PTPRG: variants seen among roughly 807,000 people sequenced by gnomAD.
The protein encoded by PTPRG is protein tyrosine phosphatase receptor type G.
PTPRG carries 102 observed loss-of-function variants against 165.3 expected under a neutral mutation model. The observed-to-expected ratio is 0.62, with a 90% confidence interval of 0.53 to 0.73. The LOEUF is 0.73. Ranked by LOEUF, PTPRG falls within the 30% of genes least tolerant of loss-of-function variation. The pLI is 0.00. For missense variants in PTPRG, 1,866 were observed against 1,861.4 expected (o/e 1.00, Z -0.05); for synonymous variants, 675 against 669.5 (o/e 1.01, Z -0.13).
At chr3:61,738,033 C>G (rs1297752367) in intron 1 of PTPRG, among the ~76,000 whole-genome samples, 2 of 150,104 alleles carry the variant, frequency 1.3e-5, no homozygotes, top group Admixed American at 6.6e-5. Flanking sequence ...CTCAGCCTCC[C>G]GAGTAGTTGG....
chr3:61,737,371 G>C (rs2032758629), intron 1 of PTPRG, among the ~76,000 whole-genome samples: 1 of 152,102 alleles, frequency 6.6e-6, no homozygotes, highest in Non-Finnish European at 1.5e-5. Flanking sequence ...ATATACTGTT[G>C]AATGCCATGG....
chr3:62,246,967 G>T (rs1244644562), intron 15 of PTPRG, among the ~76,000 whole-genome samples: 1 of 152,060 alleles, frequency 6.6e-6, no homozygotes, highest in Admixed American at 6.6e-5. Flanking sequence ...GTGCAGCAGG[G>T]TGAAGTTGAA....
rs985787394 is a variant in PTPRG at position 62,294,781 on chromosome 3, G to C, written c.*1474G>C. ...TGAAATCATCACCAGAACTGGGCCT[G>C]TTAGGAAGAATAGGGTTTTATTTAC... On this transcript the variant is annotated 3_prime_UTR_variant, in exon 30 of 30. Coordinates refer to ENST00000474889, the MANE Select transcript of PTPRG (RefSeq NM_002841.4). 5.3e-5 allele frequency: 8 copies of C among 152,108 alleles called. No individual in the cohort carries two copies. Among genetic ancestry groups the C allele is most frequent in the Middle Eastern group, 3.2e-3 (1 of 316 alleles). The allele number at this position is 152,108 out of a possible 1,614,324, so 9.4% of individuals were successfully genotyped here. A position where few individuals can be genotyped will look rare whatever the true frequency, so the allele number is the denominator to read the frequency against.
chr3:62,152,207 T>G (rs1378792693), intron 6 of PTPRG, among the ~76,000 whole-genome samples: 1 of 145,300 alleles, frequency 6.9e-6, no homozygotes, highest in Non-Finnish European at 1.5e-5. Flanking sequence ...GTCTACTAAT[T>G]TTTTTTTTTT....
chr3:62,197,573 T>C (rs1197312667), intron 10 of PTPRG, among the ~76,000 whole-genome samples: 1 of 152,122 alleles, frequency 6.6e-6, no homozygotes, highest in Non-Finnish European at 1.5e-5. Flanking sequence ...AGGCCAGGTC[T>C]GTGCTGGCCT....
intron 2 of PTPRG, among the ~76,000 whole-genome samples, chr3:61,986,475 T>C (rs771643284): frequency 1.3e-5 from 2 of 152,226 alleles, no homozygotes; most frequent in Admixed American, 6.5e-5. Context: ...GATGTGTTTA[T>C]TGAATTCATT....
chr3:62,076,077 A>G (rs925411861), intron 4 of PTPRG, among the ~76,000 whole-genome samples: 13 of 152,082 alleles, frequency 8.5e-5, no homozygotes, highest in African/African-American at 3.1e-4. Context: ...GTTACTCTAA[A>G]CCAGCCTGGG....
At position 62,190,973 on chromosome 3, in the gene PTPRG, C is replaced by A. The variant is rs989983364; in HGVS notation, c.1034-496C>A. 6.6e-6 allele frequency among the ~76,000 whole-genome samples: 1 copy of A among 152,202 alleles called. No homozygotes were observed. The highest frequency in any genetic ancestry group is 2.4e-5 in the African/African-American group (1 of 41,454). ...GGTTACATAGGAGAGTGTCCTCAAT[C>A]TTGGGAGATGCAGGACAGAGTATCT... On this transcript the variant is annotated intron_variant, in intron 8 of 29. Transcript: ENST00000474889. This position sits in a 1 kb window ranked among gnomAD's most constrained non-coding sequence, Gnocchi z 5.2.
chr3:61,734,241 G>C (rs1284516370), intron 1 of PTPRG, among the ~76,000 whole-genome samples: 1 of 152,128 alleles, frequency 6.6e-6, no homozygotes, highest in Non-Finnish European at 1.5e-5. Flanking sequence ...TATCATGTAT[G>C]ATTTCTGAAA....
chr3:61,731,375 A>T (rs1575616073), intron 1 of PTPRG, among the ~76,000 whole-genome samples: 1 of 132,192 alleles, frequency 7.6e-6, no homozygotes, highest in Non-Finnish European at 1.6e-5. Context: ...TTTGAGACGG[A>T]GTCTTGCTGT....
intron 2 of PTPRG, among the ~76,000 whole-genome samples, chr3:61,820,952 C>T (rs373649949): frequency 3.3e-5 from 5 of 151,778 alleles, no homozygotes; most frequent in Non-Finnish European, 2.9e-5. Context: ...TTTTTCATTA[C>T]GCCAAGCATT....
intron 2 of PTPRG, among the ~76,000 whole-genome samples, chr3:61,893,684 G>T (rs934538203): frequency 5.9e-5 from 9 of 152,154 alleles, no homozygotes; most frequent in Non-Finnish European, 1.2e-4. Flanking sequence ...GATTATTAAG[G>T]GCAGGAGCTA....
At chr3:61,645,613 G>A (rs1366299970) in intron 1 of PTPRG, among the ~76,000 whole-genome samples, 2 of 152,200 alleles carry the variant, frequency 1.3e-5, no homozygotes, top group South Asian at 2.1e-4. Flanking sequence ...TAGTTCCTGA[G>A]CTCCATTATC....
At chr3:61,702,910 C>T (rs1030546900) in intron 1 of PTPRG, among the ~76,000 whole-genome samples, 1 of 152,228 alleles carries the variant, frequency 6.6e-6, no homozygotes, top group Non-Finnish European at 1.5e-5. Context: ...TAGTTTTAGG[C>T]TTTCATGAGT....
At chr3:61,841,047 G>T (rs1026844335) in intron 2 of PTPRG, among the ~76,000 whole-genome samples, 2 of 152,076 alleles carry the variant, frequency 1.3e-5, no homozygotes, top group Non-Finnish European at 2.9e-5. Context: ...CTCCCAAAGT[G>T]CTGGGATTAC....
In PTPRG at chr3:61,794,781, C is replaced by T. The variant is rs540133262; in HGVS notation, c.190+45799C>T. On this transcript the variant is annotated intron_variant, in intron 2 of 29. Coordinates refer to ENST00000474889, the MANE Select transcript of PTPRG (RefSeq NM_002841.4). ...TGTTTTTATTCCCTGAATTGGTCTT[C>T]AACTTTGGGAACTTACCTGTGGATA... 2.6e-5 allele frequency among the ~76,000 whole-genome samples: 4 copies of T among 152,154 alleles called. No individual in the cohort carries two copies. The East Asian group carries it at 7.7e-4, about 29-fold the overall frequency.
intron 6 of PTPRG, among the ~76,000 whole-genome samples, chr3:62,140,093 T>C (rs1703865509): frequency 6.6e-6 from 1 of 152,172 alleles, no homozygotes; most frequent in African/African-American, 2.4e-5. Flanking sequence ...TCTTACACAA[T>C]TGCTGTTGCA....
intron 15 of PTPRG, among the ~76,000 whole-genome samples, chr3:62,246,572 G>C (rs942345076): frequency 6.6e-6 from 1 of 151,870 alleles, no homozygotes; most frequent in Non-Finnish European, 1.5e-5. Context: ...CAGTACAACG[G>C]TGTCTCATAA....
intron 1 of PTPRG, among the ~76,000 whole-genome samples, chr3:61,680,501 G>GAAAATA (rs1703394069): frequency 1.2e-5 from 1 of 85,226 alleles, no homozygotes. Context: ...TCAGCTTTAT[G>GAAAATA]AAAAAAAAAA....
Sources: gnomAD v4.1 joint callset for allele counts (sites outside exome capture counted in the v4.1 genomes callset) on GRCh38, gnomAD v4.1.1 for gene constraint, Gnocchi (gnomAD v3.1) non-coding constraint, MANE v1.5 for transcripts, NCBI Gene and HGNC (gene_info 2026-07-23, HGNC 2026-07-21) for gene names.